SGSM2: variants seen among roughly 807,000 people sequenced by gnomAD.
The protein encoded by SGSM2 is small G protein signaling modulator 2.
In SGSM2, 89 loss-of-function variants were observed where a neutral mutation model predicts 126.6. That is an observed-to-expected ratio of 0.70 (90% CI 0.59 to 0.84). The LOEUF (loss-of-function observed/expected upper bound fraction) is 0.84, where lower values mean the gene tolerates loss of function less well. Ranked by LOEUF, SGSM2 falls within the 40% of genes least tolerant of loss-of-function variation. The pLI, the probability that SGSM2 is intolerant of heterozygous loss-of-function variation, is 0.00. For missense variants in SGSM2, 1,404 were observed against 1,416.6 expected (o/e 0.99, Z 0.14); for synonymous variants, 614 against 574.3 (o/e 1.07, Z -0.99).
At chr17:2,354,813 G>A (rs1042399173) in intron 2 of SGSM2, among the ~76,000 whole-genome samples, 8 of 152,170 alleles carry the variant, frequency 5.3e-5, no homozygotes, top group Non-Finnish European at 2.9e-5. Flanking sequence ...TGGGTCTCTT[G>A]GAATGGTGAA....
chr17:2,376,638 C>G (rs989246186), intron 19 of SGSM2, 95 bp from the exon 20 acceptor site: 51 of 1,353,150 alleles, frequency 3.8e-5, no homozygotes, highest in Non-Finnish European at 5.0e-5. Context: ...AGGCTGACTT[C>G]TGGGCGGCAG....
intron 2 of SGSM2, among the ~76,000 whole-genome samples, chr17:2,349,413 TC>T (rs765400973): frequency 1.1e-4 from 16 of 151,682 alleles, no homozygotes; most frequent in Non-Finnish European, 1.9e-4. Flanking sequence ...CTATAAAGCC[TC>T]CTCGAGCCTT....
chr17:2,364,337 C>T (rs373116683), intron 8 of SGSM2, 154 bp downstream of exon 8: 1 of 1,049,488 alleles, frequency 9.5e-7, no homozygotes. Flanking sequence ...GGAGTGATTC[C>T]CAAGCTCTCT....
At chr17:2,353,838 C>T (rs561654830) in intron 2 of SGSM2, among the ~76,000 whole-genome samples, 1 of 151,876 alleles carries the variant, frequency 6.6e-6, no homozygotes. Context: ...TGTCTATGTA[C>T]GAGTCCCACA....
At chr17:2,348,563 T>G (rs915131601) in intron 2 of SGSM2, among the ~76,000 whole-genome samples, 7 of 152,026 alleles carry the variant, frequency 4.6e-5, no homozygotes, top group African/African-American at 1.7e-4. Flanking sequence ...ATGGGGATGT[T>G]CATAGCTGGG....
chr17:2,340,256 A>G (rs1038367427), intron 1 of SGSM2, among the ~76,000 whole-genome samples: 2 of 152,074 alleles, frequency 1.3e-5, no homozygotes, highest in Non-Finnish European at 2.9e-5. Context: ...CTGGGACTAC[A>G]GGCACATGCC....
chr17:2,360,065 G>A (rs1457427478), intron 2 of SGSM2, among the ~76,000 whole-genome samples: 3 of 152,206 alleles, frequency 2.0e-5, no homozygotes, highest in Admixed American at 1.3e-4. Context: ...CATGTGGGCC[G>A]GGCGCGGTGC....
In SGSM2 at chr17:2,340,783, A is replaced by G. The variant is rs143907253; in HGVS notation, c.58-2762A>G. Among the ~76,000 whole-genome samples the G allele has an allele frequency of 3.6e-4, 54 of 151,960 alleles. 1 individual carries two copies. In the East Asian group the frequency reaches 0.01, roughly 29 times the overall value. On this transcript the variant is annotated intron_variant, in intron 1 of 23. Coordinates refer to ENST00000268989, the MANE Select transcript of SGSM2 (RefSeq NM_014853.3). ...GTATTTTTAGTAGAGACGGGGTTTC[A>G]CCATGTTAGCCAGGATGGTCTCGAT... is the stretch of plus-strand genomic sequence containing the variant.
intron 13 of SGSM2, 191 bp from the exon 14 acceptor site, chr17:2,371,999 G>A (rs549860271): frequency 3.8e-5 from 24 of 625,930 alleles, no homozygotes; most frequent in African/African-American, 3.8e-4. Flanking sequence ...CCAGGCGGGG[G>A]CCCCACAGCA....
intron 2 of SGSM2, among the ~76,000 whole-genome samples, chr17:2,352,647 G>A (rs1189748873): frequency 1.3e-5 from 2 of 152,058 alleles, no homozygotes; most frequent in African/African-American, 4.8e-5. Flanking sequence ...GCTGAGTGCA[G>A]CTTTCAACGT....
At chr17:2,364,831 C>T in intron 9 of SGSM2, 66 bp from the exon 10 acceptor site, 2 of 1,585,758 alleles carry the variant, frequency 1.3e-6, no homozygotes, top group Non-Finnish European at 1.7e-6. Flanking sequence ...AGCCTGGGGG[C>T]ACTGGCCAGC....
chr17:2,380,414 C>A lies in SGSM2; in HGVS notation c.*894C>A. On this transcript the variant is annotated 3_prime_UTR_variant, in exon 24 of 24. Coordinates refer to ENST00000268989, the MANE Select transcript of SGSM2 (RefSeq NM_014853.3). ...CTCCCCTCAGAGACAGGCCTCAGTT[C>A]GAGGGCAGCCCATTATCTGTCGCAG... The A allele has an allele frequency of 2.9e-6, 3 of 1,026,926 alleles. No homozygotes were observed. The highest frequency in any genetic ancestry group is 4.4e-6 in the Non-Finnish European group (3 of 686,872). 63.6% of individuals were successfully genotyped at this position (1,026,926 alleles called of 1,614,324 possible). A position where few individuals can be genotyped will look rare whatever the true frequency, so the allele number is the denominator to read the frequency against.
At chr17:2,342,424 A>G (rs1243615456) in intron 1 of SGSM2, among the ~76,000 whole-genome samples, 1 of 152,052 alleles carries the variant, frequency 6.6e-6, no homozygotes, top group African/African-American at 2.4e-5. Flanking sequence ...ACTCCATTTC[A>G]GAAACAAACA....
intron 2 of SGSM2, among the ~76,000 whole-genome samples, chr17:2,358,214 T>A (rs1760830174): frequency 6.6e-6 from 1 of 152,158 alleles, no homozygotes; most frequent in South Asian, 2.1e-4. Flanking sequence ...GGGGATAAGC[T>A]TGGGCCGTCA....
chr17:2,364,543 A>C, intron 8 of SGSM2, 53 bp from the exon 9 acceptor site: 1 of 1,590,174 alleles, frequency 6.3e-7, no homozygotes, highest in East Asian at 2.2e-5. Context: ...CAAGGAAGGA[A>C]GGAAGGATGG....
intron 13 of SGSM2, chr17:2,371,895 A>T (rs11652935): frequency 0.062 from 29,610 of 478,694 alleles, 1,701 homozygotes; most frequent in African/African-American, 0.19. Context: ...ATTAATCCTG[A>T]TGATCCTCCG....
At position 2,375,632 on chromosome 17, in the gene SGSM2, T is replaced by A; in HGVS notation, c.2241T>A (p.Ser747=). The change falls in exon 18 of 24, where the codon TCT becomes TCA. Residue 747 remains serine (S), a synonymous_variant. Transcript: ENST00000268989. ...VEQQHSVEFD[S]PDSGLPSSRN... is the part of the protein sequence containing the mutation. ...AGCAGCATTCCGTGGAGTTCGACTC[T>A]CCAGACTCAGGACTGCCCTCCTCTC... The A allele has an allele frequency of 2.5e-6, 4 of 1,613,968 alleles. No individual in the cohort carries two copies. The highest frequency in any genetic ancestry group is 3.3e-4 in the Middle Eastern group (2 of 6,060).
At chr17:2,360,213 G>A (rs1011689022) in intron 2 of SGSM2, among the ~76,000 whole-genome samples, 1 of 152,158 alleles carries the variant, frequency 6.6e-6, no homozygotes, top group South Asian at 2.1e-4. Context: ...ATGGTGGTGT[G>A]TGCCTGTAGT....
At position 2,362,716 on chromosome 17, in the gene SGSM2, C is replaced by CTCA. The variant is rs1378274529; in HGVS notation, c.459-121_459-119dup. The CTCA allele has an allele frequency of 4.1e-6, 4 of 980,588 alleles. No homozygotes were observed. In the East Asian group the frequency reaches 1.0e-4, roughly 25 times the overall value. 60.7% of individuals were successfully genotyped at this position (980,588 alleles called of 1,614,324 possible). ...CCTCACGAAGCCCAGTCCCTAAGGACTCACTGTTTCTTGATGACTGATCTG... is the reference window on the plus strand; with the variant it reads ...CCTCACGAAGCCCAGTCCCTAAGGACTCATCACTGTTTCTTGATGACTGATCTG... On this transcript the variant is annotated intron_variant, in intron 4 of 23. Coordinates refer to ENST00000268989, the MANE Select transcript of SGSM2 (RefSeq NM_014853.3). This position sits in a 1 kb window ranked among gnomAD's most constrained non-coding sequence, Gnocchi z 4.9.
Sources: gnomAD v4.1 joint callset for allele counts (sites outside exome capture counted in the v4.1 genomes callset) on GRCh38, gnomAD v4.1.1 for gene constraint, Gnocchi (gnomAD v3.1) non-coding constraint, MANE v1.5 for transcripts, NCBI Gene and HGNC (gene_info 2026-07-23, HGNC 2026-07-21) for gene names.